The following TDRD9 variants were observed in gnomAD, a reference collection of about 807,000 sequenced individuals.
TDRD9 encodes tudor domain containing 9.
In TDRD9, 124 loss-of-function variants were observed where a neutral mutation model predicts 172.6. The observed-to-expected ratio is 0.72, with a 90% CI of 0.62 to 0.83. The LOEUF is 0.83. Ranked by LOEUF, TDRD9 falls within the 40% of genes least tolerant of loss-of-function variation. The probability of loss-of-function intolerance (pLI) is 0.00; values close to 1 mark genes in which losing one functional copy is unlikely to be tolerated. For missense variants in TDRD9, 1,479 were observed against 1,714.1 expected (o/e 0.86, Z 2.42); for synonymous variants, 619 against 617.1 (o/e 1.00, Z -0.05).
At chr14:103,958,562 A>C (rs1431836480) in intron 2 of TDRD9, among the ~76,000 whole-genome samples, 1 of 152,224 alleles carries the variant, frequency 6.6e-6, no homozygotes, top group African/African-American at 2.4e-5. Context: ...GCCTAATGTC[A>C]TCACAGGGTT....
chr14:103,980,391 G>T lies in TDRD9; in HGVS notation c.1011+4838G>T, dbSNP rs973820232. ...TCGACTGGACAGGGGGCCCTTCCCT[G>T]CCTGGCAGCCAAGGCAGAGAGAGAG... On this transcript the variant is annotated intron_variant, in intron 7 of 35. Coordinates refer to ENST00000409874, the MANE Select transcript of TDRD9 (RefSeq NM_153046.3). The surrounding 1 kb of genome is among the most constrained non-coding windows in gnomAD (Gnocchi z 4.5). Among the ~76,000 whole-genome samples the T allele has an allele frequency of 3.3e-5, 5 of 152,156 alleles. No homozygotes were observed. The highest frequency in any genetic ancestry group is 1.2e-4 in the African/African-American group (5 of 41,440).
chr14:104,051,684 G>A (rs1177639629), intron 35 of TDRD9, among the ~76,000 whole-genome samples: 1 of 152,124 alleles, frequency 6.6e-6, no homozygotes, highest in Non-Finnish European at 1.5e-5. Flanking sequence ...GTTTTGATTT[G>A]CACTTCTCTG....
chr14:103,971,655 C>T (rs1037165623), intron 6 of TDRD9, among the ~76,000 whole-genome samples: 1 of 152,102 alleles, frequency 6.6e-6, no homozygotes, highest in Non-Finnish European at 1.5e-5. Flanking sequence ...GCTTAAAATT[C>T]ATGATCATGT....
chr14:103,930,784 T>A (rs906229813), intron 1 of TDRD9, among the ~76,000 whole-genome samples: 1 of 152,214 alleles, frequency 6.6e-6, no homozygotes, highest in Non-Finnish European at 1.5e-5. Flanking sequence ...TTTAACGGTG[T>A]GAACAGCATT....
At position 104,031,133 on chromosome 14, in the gene TDRD9, T is replaced by C; in HGVS notation, c.3308T>C (p.Leu1103Pro). The C allele has an allele frequency of 6.4e-7, 1 of 1,550,992 alleles. No individual in the cohort carries two copies. Among genetic ancestry groups the C allele is most frequent in the Non-Finnish European group, 8.7e-7 (1 of 1,146,828 alleles). Residue 1103 changes from leucine to proline, a missense_variant, in exon 29 of 36, where the codon CTC (leucine) becomes CCC (proline). This residue lies in a region of TDRD9 where 1,413 missense variants were observed against 1,649.1 expected (regional missense o/e 0.86). Transcript: ENST00000409874. The part of the protein sequence containing the change: ...SKQSHEVLKG[L>P]FSKSVENMTD... ...CAAAGCCATGAAGTTCTCAAGGGCC[T>C]CTTTTCCAAGTCAGTAGAAAACATG... is the stretch of plus-strand genomic sequence containing the variant.
intron 1 of TDRD9, among the ~76,000 whole-genome samples, chr14:103,939,272 GCTTCATATACAAA>G (rs1439275514): frequency 2.0e-5 from 3 of 152,102 alleles, no homozygotes; most frequent in African/African-American, 7.2e-5. Context: ...CTAGTACCGG[GCTTCATATACAAA>G]CTTCACGTTC....
chr14:104,026,441 C>T (rs2035120909), intron 27 of TDRD9, among the ~76,000 whole-genome samples: 1 of 152,220 alleles, frequency 6.6e-6, no homozygotes, highest in Non-Finnish European at 1.5e-5. Flanking sequence ...CATAGTCACA[C>T]ATGCCCTTAC....
chr14:103,936,465 A>T (rs1372084065), intron 1 of TDRD9, among the ~76,000 whole-genome samples: 1 of 152,156 alleles, frequency 6.6e-6, no homozygotes, highest in East Asian at 1.9e-4. Context: ...TTGCTTCCTC[A>T]TGCAGTCCTG....
chr14:103,991,108 A>C (rs1174937365), intron 8 of TDRD9, 52 bp from the exon 9 acceptor site: 2 of 1,603,668 alleles, frequency 1.2e-6, no homozygotes, highest in Non-Finnish European at 1.7e-6. Flanking sequence ...TTAGAGAAGC[A>C]ATAGCTGTTA....
intron 30 of TDRD9, among the ~76,000 whole-genome samples, chr14:104,033,270 G>T (rs2035341580): frequency 6.6e-6 from 1 of 152,198 alleles, no homozygotes; most frequent in Non-Finnish European, 1.5e-5. Flanking sequence ...TTTTCACAAG[G>T]CCTCTGGCGA....
intron 5 of TDRD9, among the ~76,000 whole-genome samples, chr14:103,968,760 C>T (rs549744444): frequency 5.3e-4 from 47 of 89,462 alleles, no homozygotes; most frequent in Non-Finnish European, 8.2e-4. Flanking sequence ...TGCGCCACTG[C>T]ACTCCAGCCT....
chr14:104,014,958 T>C (rs2034741646), intron 21 of TDRD9, 117 bp downstream of exon 21: 2 of 583,356 alleles, frequency 3.4e-6, no homozygotes, highest in South Asian at 4.6e-5. Context: ...AAGGAGATTT[T>C]AGGTCCATAG....
At chr14:103,938,436 A>C (rs377303422) in intron 1 of TDRD9, among the ~76,000 whole-genome samples, 2 of 40,588 alleles carry the variant, frequency 4.9e-5, no homozygotes, top group Non-Finnish European at 8.4e-5. Context: ...ATATATATAT[A>C]TATATTTTTT....
At chr14:103,960,180 T>C (rs8011480) in intron 2 of TDRD9, among the ~76,000 whole-genome samples, 2,270 of 152,354 alleles carry the variant, frequency 0.015, 66 homozygotes, top group African/African-American at 0.052. Context: ...AATCCAGTAA[T>C]TAAAATTATT....
chr14:103,929,434 T>C (rs1283600602), intron 1 of TDRD9, among the ~76,000 whole-genome samples: 11 of 152,146 alleles, frequency 7.2e-5, no homozygotes, highest in Admixed American at 7.2e-4. Flanking sequence ...GCTTCTTTCC[T>C]TTTAGCACTG....
intron 5 of TDRD9, among the ~76,000 whole-genome samples, chr14:103,970,206 G>A (rs2032958680): frequency 6.6e-6 from 1 of 152,184 alleles, no homozygotes; most frequent in South Asian, 2.1e-4. Context: ...GGTTCTCTGT[G>A]CTTGAGGTAG....
At chr14:103,987,117 A>AATATGT (rs1555369033) in intron 8 of TDRD9, among the ~76,000 whole-genome samples, 1 of 134,766 alleles carries the variant, frequency 7.4e-6, no homozygotes. Context: ...CATCTCAAAA[A>AATATGT]ATATATACAC....
rs188624859 is a variant in TDRD9 at position 104,028,718 on chromosome 14, C to T, written c.3282+1779C>T. On this transcript the variant is annotated intron_variant, in intron 28 of 35. Transcript: ENST00000409874. ...TTCCATTTGTCTATTTTTGTTGCCT[C>T]TGCTTTTTGAAGTCTTGGCCATAAA... Among the ~76,000 whole-genome samples, 37 of 152,180 alleles carry T rather than the reference C, an allele frequency of 2.4e-4. 1 individual carries two copies. In the East Asian group the frequency reaches 6.9e-3, roughly 29 times the overall value.
At chr14:103,981,032 A>G (rs907514335) in intron 7 of TDRD9, among the ~76,000 whole-genome samples, 2 of 152,184 alleles carry the variant, frequency 1.3e-5, no homozygotes, top group Admixed American at 1.3e-4. Flanking sequence ...TCTAAGATCT[A>G]TATCTAGTAT....
Sources: gnomAD v4.1 joint callset for allele counts (sites outside exome capture counted in the v4.1 genomes callset) on GRCh38, gnomAD v4.1.1 for gene constraint, gnomAD v4.1.1 regional missense constraint, Gnocchi (gnomAD v3.1) non-coding constraint, MANE v1.5 for transcripts, NCBI Gene and HGNC (gene_info 2026-07-23, HGNC 2026-07-21) for gene names.